CRTC2: variants seen among roughly 807,000 people sequenced by gnomAD.
The protein encoded by CRTC2 is CREB-regulated transcription coactivator 2.
CRTC2 carries 25 observed loss-of-function variants against 70.9 expected under a neutral mutation model. That is an observed-to-expected ratio of 0.35 (90% CI 0.26 to 0.49). The LOEUF is 0.49. Among genes scored for constraint, CRTC2 ranks in the 20% least tolerant of loss-of-function variants. The pLI is 0.98. For missense variants in CRTC2, 737 were observed against 882.6 expected (o/e 0.83, Z 2.09); for synonymous variants, 330 against 364.1 (o/e 0.91, Z 1.07).
At position 153,954,988 on chromosome 1, in the gene CRTC2, C is replaced by T. The variant is rs760193432; in HGVS notation, c.257G>A (p.Ser86Asn). Residue 86 changes from serine (S) to asparagine (N), a missense_variant and splice_region_variant, in exon 3 of 14, where the codon AGC (serine) becomes AAC (asparagine). Coordinates refer to ENST00000368633, the MANE Select transcript of CRTC2 (RefSeq NM_181715.3). ...TGAATCCAAAGGTGAGTGGAGGGGG[C>T]TCTGCCAAAAAGGACAGAAGTCAGC... ...QIGSGLAEFQSPLHSPLDSSR... is the reference protein window; with the variant it reads ...QIGSGLAEFQNPLHSPLDSSR... The T allele has an allele frequency of 9.9e-6, 16 of 1,613,486 alleles. No homozygotes were observed. The East Asian group carries it at 3.3e-4, about 34-fold the overall frequency.
chr1:153,958,216 A>C (rs922887827), intron 1 of CRTC2, 129 bp downstream of exon 1: 505 of 1,438,448 alleles, frequency 3.5e-4, no homozygotes, highest in Non-Finnish European at 4.0e-4. Context: ...TGCGCCTCCC[A>C]AACGGCGGCG....
chr1:153,948,661 AAATCTTT>A lies in CRTC2; in HGVS notation c.1675-24_1675-18del. 1 of 1,568,716 alleles carries A rather than the reference AAATCTTT, an allele frequency of 6.4e-7. No individual in the cohort carries two copies. Among genetic ancestry groups the A allele is most frequent in the Non-Finnish European group, 8.6e-7 (1 of 1,158,246 alleles). ...CTGCTCCAGCTATAGACATACAGAC[AAATCTTT>A]AGGAAGTAGGATTTAGAACTGGTGT... On this transcript the variant is annotated intron_variant, in intron 12 of 13. Coordinates refer to ENST00000368633, the MANE Select transcript of CRTC2 (RefSeq NM_181715.3).
At position 153,954,889 on chromosome 1, in the gene CRTC2, C is replaced by T. The variant is rs752412661; in HGVS notation, c.356G>A (p.Arg119His). 5.0e-6 allele frequency: 8 copies of T among 1,613,114 alleles called. No individual in the cohort carries two copies. The highest frequency in any genetic ancestry group is 5.9e-6 in the Non-Finnish European group (7 of 1,179,930). Reference protein sequence around the residue: ...RDPRRMVSPLRRYTRHIDSSP... With the variant: ...RDPRRMVSPLHRYTRHIDSSP... ...GAAGGATATGTGGCGGGTGTATCGG[C>T]GAAGTGGGGACACCATTCTTCGAGG... is the stretch of plus-strand genomic sequence containing the variant. The change falls in exon 3 of 14, where the codon CGC (arginine) becomes CAC (histidine). Residue 119 changes from arginine (R) to histidine (H), a missense_variant. Coordinates refer to ENST00000368633, the MANE Select transcript of CRTC2 (RefSeq NM_181715.3).
chr1:153,948,681 T>G (rs753920574), intron 12 of CRTC2, 37 bp from the exon 13 acceptor site: 6 of 1,564,620 alleles, frequency 3.8e-6, no homozygotes, highest in Middle Eastern at 1.7e-4. Context: ...GAAGTAGGAT[T>G]TAGAACTGGT....
chr1:153,948,727 C>T (rs1680158984), intron 12 of CRTC2, 83 bp from the exon 13 acceptor site: 1 of 1,459,438 alleles, frequency 6.9e-7, no homozygotes, highest in African/African-American at 1.4e-5. Flanking sequence ...CCCCTTTGCC[C>T]AGCAACCTTC....
chr1:153,952,196 G>C lies in CRTC2; in HGVS notation c.819C>G (p.Gly273=). Residue 273 remains glycine (G), a synonymous_variant, in exon 10 of 14, where the codon GGC becomes GGG. Transcript: ENST00000368633. The part of the protein sequence containing the change: ...PVLPPAMNTG[G]SLPDLTNLHF... ...GCAGGTTGGTGAGGTCAGGTAGGGA[G>C]CCCCCCGTGTTCATGGCAGGTGGGA... 2 of 1,613,546 alleles carry C rather than the reference G, an allele frequency of 1.2e-6. No homozygotes were observed. Among genetic ancestry groups the C allele is most frequent in the Non-Finnish European group, 1.7e-6 (2 of 1,179,664 alleles).
At chr1:153,951,115 A>G in intron 11 of CRTC2, 145 bp downstream of exon 11, 1 of 925,772 alleles carries the variant, frequency 1.1e-6, no homozygotes, top group Non-Finnish European at 1.6e-6. Context: ...GACAAGATGG[A>G]TAAAAGATGG....
chr1:153,956,651 T>G (rs1219897248), intron 1 of CRTC2, among the ~76,000 whole-genome samples: 1 of 152,146 alleles, frequency 6.6e-6, no homozygotes. Flanking sequence ...CCCCAGTATC[T>G]CAGTGGTATA....
Position 153,953,250 on chromosome 1 carries a change from G to A in CRTC2, c.607+16C>T, listed in dbSNP as rs757418144. The A allele has an allele frequency of 6.9e-7, 1 of 1,458,048 alleles. No individual in the cohort carries two copies. The highest frequency in any genetic ancestry group is 1.4e-5 in the African/African-American group (1 of 69,652). 90.3% of individuals were successfully genotyped at this position (1,458,048 alleles called of 1,614,324 possible). ...AGCTCCATGGTTACTCCCAACCCTG[G>A]GACAGGGCCACTTACCCCCACGTCG... On this transcript the variant is annotated intron_variant, in intron 6 of 13. Coordinates refer to ENST00000368633, the MANE Select transcript of CRTC2 (RefSeq NM_181715.3).
intron 1 of CRTC2, among the ~76,000 whole-genome samples, chr1:153,956,867 G>A (rs1037511343): frequency 6.6e-6 from 1 of 152,116 alleles, no homozygotes; most frequent in African/African-American, 2.4e-5. Flanking sequence ...ACCGTAAAGA[G>A]AAGCCCCAGC....
At position 153,958,382 on chromosome 1, in the gene CRTC2, G is replaced by A. The variant is rs1680756011; in HGVS notation, c.116C>T (p.Ala39Val). Residue 39 changes from alanine (A) to valine (V), a missense_variant, in exon 1 of 14, where the codon GCC (alanine) becomes GTC (valine). Physicochemically the swap from Ala to Val is moderately conservative, Grantham distance 64 (BLOSUM62 0). Around this residue, in one of 3 missense-constraint regions of CRTC2, gnomAD observed 9 missense variants for 33.5 expected, o/e 0.27. Transcript: ENST00000368633. The part of the protein sequence containing the change: ...QKQRQAEETA[A>V]FEEVMMDIGS... Reference sequence around the variant, plus strand: ...GATGTCCATCATCACCTCCTCGAAGGCCGCCGTCTCCTCGGCCTGACGCTG... The same window carrying A: ...GATGTCCATCATCACCTCCTCGAAGACCGCCGTCTCCTCGGCCTGACGCTG... 6.2e-7 allele frequency: 1 copy of A among 1,612,966 alleles called. No homozygotes were observed. The highest frequency in any genetic ancestry group is 1.1e-5 in the South Asian group (1 of 91,054).
chr1:153,951,225 G>C, intron 11 of CRTC2, 35 bp downstream of exon 11: 1 of 1,606,680 alleles, frequency 6.2e-7, no homozygotes, highest in Non-Finnish European at 8.5e-7. Context: ...AAAAGGGAAG[G>C]GAGACAGACA....
intron 3 of CRTC2, 63 bp downstream of exon 3, chr1:153,954,810 G>C: frequency 1.4e-6 from 2 of 1,394,698 alleles, no homozygotes; most frequent in South Asian, 2.3e-5. Flanking sequence ...TGCTTCCTAT[G>C]AGTCCCTGAG....
At position 153,948,612 on chromosome 1, in the gene CRTC2, GGCT is replaced by G. The variant is rs1680150811; in HGVS notation, c.1704_1706del (p.Ala569del). 1 of 1,594,222 alleles carries G rather than the reference GGCT, an allele frequency of 6.3e-7. No homozygotes were observed. The highest frequency in any genetic ancestry group is 8.5e-7 in the Non-Finnish European group (1 of 1,172,058). ...AGCCAGGGGGATCCAGCACCAGGCT[GGCT>G]GATGGGCTCTCCATGCTGAACTGCT... On this transcript the variant is annotated inframe_deletion, in exon 13 of 14. Transcript: ENST00000368633.
At chr1:153,954,344 TAG>T (rs1274824676) in intron 3 of CRTC2, 28 bp from the exon 4 acceptor site, 9 of 1,558,036 alleles carry the variant, frequency 5.8e-6, no homozygotes, top group Non-Finnish European at 8.0e-6. Context: ...AGGAAAAAAG[TAG>T]AGAGGACAGA....
chr1:153,951,730 C>T (rs1680333019), intron 10 of CRTC2, 64 bp from the exon 11 acceptor site: 2 of 1,560,436 alleles, frequency 1.3e-6, no homozygotes. Flanking sequence ...CCCCTTTCCA[C>T]CCAGAATGGG....
chr1:153,958,222 C>T, intron 1 of CRTC2, 123 bp downstream of exon 1: 1 of 1,439,950 alleles, frequency 6.9e-7, no homozygotes, highest in Non-Finnish European at 9.1e-7. Flanking sequence ...TCCCAAACGG[C>T]GGCGCCCGCG....
At chr1:153,950,543 T>C (rs35179091) in intron 11 of CRTC2, among the ~76,000 whole-genome samples, 2 of 150,610 alleles carry the variant, frequency 1.3e-5, no homozygotes, top group Non-Finnish European at 3.0e-5. Context: ...AAAAGAGGAG[T>C]AGAGATAGAG....
At chr1:153,955,255 G>T in intron 1 of CRTC2, 89 bp from the exon 2 acceptor site, 1 of 952,032 alleles carries the variant, frequency 1.1e-6, no homozygotes, top group Non-Finnish European at 1.7e-6. Context: ...ACCAGGATAT[G>T]CTGCTGCCGC....
Sources: allele counts gnomAD v4.1 joint callset (sites outside exome capture counted in the v4.1 genomes callset), GRCh38; gene constraint gnomAD v4.1.1; regional missense constraint gnomAD v4.1.1; transcripts MANE v1.5; gene names NCBI Gene and HGNC (gene_info 2026-07-23, HGNC 2026-07-21).